TUNAR: variants seen among roughly 807,000 people sequenced by gnomAD.
TUNAR encodes the protein protein TUNAR.
At chr14:95,913,037 C>T (rs1247594718) in intron 2 of TUNAR, among the ~76,000 whole-genome samples, 4 of 152,212 alleles carry the variant, frequency 2.6e-5, no homozygotes, top group African/African-American at 4.8e-5. Context: ...GTGATCCGCC[C>T]GCCTCGGCCT....
At chr14:95,889,765 C>G (rs1889142883) in intron 2 of TUNAR, among the ~76,000 whole-genome samples, 1 of 152,132 alleles carries the variant, frequency 6.6e-6, no homozygotes, top group Non-Finnish European at 1.5e-5. Context: ...GGAAGGGCCT[C>G]CCTTCCTGTG....
Position 95,895,066 on chromosome 14 carries a change from C to G in TUNAR, c.12+17889C>G, listed in dbSNP as rs1384874933. On this transcript the variant is annotated intron_variant, in intron 2 of 2. Coordinates refer to ENST00000678517, the Ensembl canonical transcript of TUNAR. This position sits in a 1 kb window ranked among gnomAD's most constrained non-coding sequence, Gnocchi z 4.5. The stretch of plus-strand genomic sequence containing the variant: ...GAGTCAAGCCAGACAGCCAGCATCT[C>G]CAGAGAATAGTGACAGATGTTGTCT... Among the ~76,000 whole-genome samples, 2 of 152,196 alleles carry G rather than the reference C, an allele frequency of 1.3e-5. No homozygotes were observed. The highest frequency in any genetic ancestry group is 2.4e-5 in the African/African-American group (1 of 41,446).
At chr14:95,905,650 A>G (rs1214908011) in intron 2 of TUNAR, among the ~76,000 whole-genome samples, 4 of 152,182 alleles carry the variant, frequency 2.6e-5, no homozygotes, top group Non-Finnish European at 5.9e-5. Flanking sequence ...TTTTCTTCGT[A>G]ATTGATAAAT....
At chr14:95,905,441 A>C (rs1889416315) in intron 2 of TUNAR, among the ~76,000 whole-genome samples, 1 of 152,030 alleles carries the variant, frequency 6.6e-6, no homozygotes, top group Non-Finnish European at 1.5e-5. Context: ...TATTTTCTTA[A>C]ATGTCCCTCA....
rs191402286 is a variant in TUNAR, at chr14:95,922,498, G to A, written c.13-283G>A. Among the ~76,000 whole-genome samples, 357 of 151,724 alleles carry A rather than the reference G, an allele frequency of 2.4e-3. 1 individual carries two copies. The highest frequency in any genetic ancestry group is 8.5e-3 in the African/African-American group (347 of 41,040). On this transcript the variant is annotated intron_variant, in intron 2 of 2. Transcript: ENST00000678517. ...TGACCCAGTTTCTCCTTCAAGGGAA[G>A]GGGGGAAAACCAGCTCAACAAAGTG... is the stretch of plus-strand genomic sequence containing the variant.
At chr14:95,885,384 G>A (rs144716103) in intron 2 of TUNAR, among the ~76,000 whole-genome samples, 10 of 152,292 alleles carry the variant, frequency 6.6e-5, no homozygotes, top group South Asian at 2.1e-4. Flanking sequence ...AACGTGTTAC[G>A]TAACTACCTG....
intron 2 of TUNAR, among the ~76,000 whole-genome samples, chr14:95,922,210 A>C (rs1203434827): frequency 1.3e-5 from 2 of 152,166 alleles, no homozygotes; most frequent in Non-Finnish European, 2.9e-5. Flanking sequence ...GATTATGAGA[A>C]TTTCTCATGG....
At chr14:95,925,127 T>G (rs1889766214) in exon 3 of TUNAR, 2 of 152,026 alleles carry the variant, frequency 1.3e-5, no homozygotes, top group African/African-American at 4.8e-5. Context: ...ATACTTGGAG[T>G]CATTGAATTC....
chr14:95,888,512 C>T (rs1889113964), intron 2 of TUNAR, among the ~76,000 whole-genome samples: 1 of 152,128 alleles, frequency 6.6e-6, no homozygotes, highest in Non-Finnish European at 1.5e-5. Flanking sequence ...TGGGAGGCTT[C>T]CTCACTCGCA....
intron 2 of TUNAR, among the ~76,000 whole-genome samples, chr14:95,884,549 G>C (rs1453113089): frequency 6.6e-6 from 1 of 152,246 alleles, no homozygotes; most frequent in African/African-American, 2.4e-5. Flanking sequence ...CATAGTAAAA[G>C]TAAATTTAGA....
intron 2 of TUNAR, among the ~76,000 whole-genome samples, chr14:95,909,314 C>T (rs540712242): frequency 3.8e-4 from 53 of 139,730 alleles, no homozygotes; most frequent in African/African-American, 1.4e-3. Context: ...GGTGGAGTCT[C>T]ACTTTGTCAC....
intron 2 of TUNAR, among the ~76,000 whole-genome samples, 173 bp downstream of exon 1, chr14:95,877,350 C>G (rs557650118): frequency 6.6e-6 from 1 of 152,232 alleles, no homozygotes; most frequent in Admixed American, 6.5e-5. Flanking sequence ...CTGAACTGCC[C>G]GGGCAGACCT....
In TUNAR at chr14:95,889,433, TTCCACC is replaced by T. The variant is rs528648575; in HGVS notation, c.12+12263_12+12268del. Among the ~76,000 whole-genome samples, 82 of 151,980 alleles carry T rather than the reference TTCCACC, an allele frequency of 5.4e-4. No individual in the cohort carries two copies. In the South Asian group the frequency reaches 0.017, roughly 31 times the overall value. ...ATGTGAAGGAGAAGTTGGCTTGCCC[TTCCACC>T]TCCACCCCTCACCCCCTCCTCTCCC... is the stretch of plus-strand genomic sequence containing the variant. On this transcript the variant is annotated intron_variant, in intron 2 of 2. Coordinates refer to ENST00000678517, the Ensembl canonical transcript of TUNAR.
intron 2 of TUNAR, among the ~76,000 whole-genome samples, chr14:95,909,408 C>T (rs532321487): frequency 1.9e-3 from 285 of 151,912 alleles, no homozygotes; most frequent in Middle Eastern, 6.8e-3. Flanking sequence ...CTCAGCCTCC[C>T]GAGTAGCTGG....
intron 2 of TUNAR, among the ~76,000 whole-genome samples, chr14:95,890,566 G>A (rs868756866): frequency 6.6e-6 from 1 of 152,148 alleles, no homozygotes; most frequent in African/African-American, 2.4e-5. Context: ...GGCTCCCCAG[G>A]TAGGGTGTGC....
intron 2 of TUNAR, 49 bp from the exon 2 acceptor site, chr14:95,922,732 G>A (rs1221759038): frequency 1.0e-5 from 4 of 398,022 alleles, no homozygotes; most frequent in African/African-American, 8.2e-5. Context: ...GGCTATGGAG[G>A]GCATGCTTAT....
chr14:95,888,236 G>A (rs577802933), intron 2 of TUNAR, among the ~76,000 whole-genome samples: 1 of 152,310 alleles, frequency 6.6e-6, no homozygotes, highest in East Asian at 1.9e-4. Context: ...TTTGCTGGGT[G>A]CTTACTGGGG....
exon 3 of TUNAR, chr14:95,922,985 A>G: frequency 2.5e-6 from 1 of 399,110 alleles, no homozygotes; most frequent in Non-Finnish European, 4.4e-6. Flanking sequence ...GAGCGTCCTC[A>G]GAGGCCTCAG....
intron 2 of TUNAR, among the ~76,000 whole-genome samples, chr14:95,916,577 C>T (rs1031191045): frequency 1.3e-5 from 2 of 152,180 alleles, no homozygotes; most frequent in Non-Finnish European, 2.9e-5. Flanking sequence ...ACATTGCTGT[C>T]TTTAAATGCT....
Sources: gnomAD v4.1 joint callset for allele counts (sites outside exome capture counted in the v4.1 genomes callset) on GRCh38, gnomAD v4.1.1 for gene constraint, Gnocchi (gnomAD v3.1) non-coding constraint, MANE v1.5 for transcripts, NCBI Gene and HGNC (gene_info 2026-07-23, HGNC 2026-07-21) for gene names.